The following MYBPC1 variants were observed in gnomAD, a reference collection of about 807,000 sequenced individuals.
The protein encoded by MYBPC1 is myosin binding protein C1.
In MYBPC1, 52 loss-of-function variants were observed where a neutral mutation model predicts 147.1. That is an observed-to-expected ratio of 0.35 (90% confidence interval 0.28 to 0.45). MYBPC1 has a LOEUF of 0.45. Among genes scored for constraint, MYBPC1 ranks in the 20% least tolerant of loss-of-function variants. The pLI is 1.00. For synonymous variants in MYBPC1, 477 were observed against 475.9 expected (o/e 1.00, Z -0.03); for missense variants, 1,228 against 1,440.3 (o/e 0.85, Z 2.39).
the MYBPC1 span, among the ~76,000 whole-genome samples, chr12:101,692,908 T>A: frequency 0.032 from 4,887 of 151,850 alleles, 97 homozygotes; most frequent in Non-Finnish European, 0.044. Context: ...TAGAGCATGA[T>A]GAGTAGTTTA....
Position 101,651,255 on chromosome 12 carries a change from C to T in MYBPC1, c.1388C>T (p.Pro463Leu), listed in dbSNP as rs1489356695. Residue 463 changes from proline (P) to leucine (L), a missense_variant, in exon 16 of 32, where the codon CCT becomes CTT. By Grantham distance (98) the Pro-to-Leu change is moderately conservative. Coordinates refer to ENST00000361466, the MANE Select transcript of MYBPC1 (RefSeq NM_002465.4). The stretch of plus-strand genomic sequence containing the variant: ...GTGAAACCTCTGAAGATTTTGACAC[C>T]TCTGACTGATCAGACTGTAAATCTT... ...VDLKPLKILT[P>L]LTDQTVNLGK... 1 of 1,613,914 alleles carries T rather than the reference C, an allele frequency of 6.2e-7. No homozygotes were observed. Among genetic ancestry groups the T allele is most frequent in the Non-Finnish European group, 8.5e-7 (1 of 1,179,966 alleles).
At chr12:101,595,326 T>C (rs1876772151) in intron 1 of MYBPC1, among the ~76,000 whole-genome samples, 1 of 152,206 alleles carries the variant, frequency 6.6e-6, no homozygotes, top group Admixed American at 6.5e-5. Context: ...ACTAAAATTA[T>C]CAAATGATAA....
chr12:101,690,021 A>C (rs1028588093), downstream of MYBPC1, among the ~76,000 whole-genome samples: 2 of 152,180 alleles, frequency 1.3e-5, no homozygotes, highest in African/African-American at 4.8e-5. Flanking sequence ...CTAAAATTAC[A>C]AAAATTAGCC....
intron 1 of MYBPC1, among the ~76,000 whole-genome samples, chr12:101,613,587 G>A (rs937482041): frequency 7.2e-5 from 11 of 152,166 alleles, no homozygotes; most frequent in Non-Finnish European, 1.5e-4. Context: ...GCATCCACAG[G>A]GATTTGGCAC....
chr12:101,664,705 A>AC (rs1473967714), intron 22 of MYBPC1: 1 of 152,088 alleles, frequency 6.6e-6, no homozygotes, highest in Non-Finnish European at 1.5e-5. Flanking sequence ...GTATCCTGAT[A>AC]CCCCTCAATC....
chr12:101,673,339 G>T, intron 24 of MYBPC1, 88 bp from the exon 25 acceptor site: 1 of 1,400,454 alleles, frequency 7.1e-7, no homozygotes, highest in Non-Finnish European at 1.0e-6. Flanking sequence ...CCTAGAATGG[G>T]TTAAGCCACT....
At chr12:101,678,531 A>G (rs1900601322) in intron 28 of MYBPC1, among the ~76,000 whole-genome samples, 1 of 152,246 alleles carries the variant, frequency 6.6e-6, no homozygotes, top group Non-Finnish European at 1.5e-5. Flanking sequence ...CACTTGGAAA[A>G]TTAGGTGGTA....
chr12:101,629,428 C>G lies in MYBPC1; in HGVS notation c.179-6C>G, dbSNP rs200741891. Reference sequence around the variant, plus strand: ...AATAATCCTTTTCCTCCTTTCTGCTCATCAGACTGGACCCTTGTCGAAACT... The same window carrying G: ...AATAATCCTTTTCCTCCTTTCTGCTGATCAGACTGGACCCTTGTCGAAACT... On this transcript the variant is annotated splice_polypyrimidine_tract_variant and splice_region_variant and intron_variant, in intron 5 of 31. Coordinates refer to ENST00000361466, the MANE Select transcript of MYBPC1 (RefSeq NM_002465.4). The G allele has an allele frequency of 1.9e-6, 3 of 1,584,498 alleles. No homozygotes were observed. The East Asian group carries it at 6.7e-5, about 35-fold the overall frequency.
intron 1 of MYBPC1, among the ~76,000 whole-genome samples, chr12:101,598,316 G>C (rs367717534): frequency 6.6e-6 from 1 of 151,978 alleles, no homozygotes; most frequent in African/African-American, 2.4e-5. Context: ...CACTGTGCCC[G>C]GCCAAGAAAT....
chr12:101,671,500 G>A (rs1527393), intron 24 of MYBPC1, among the ~76,000 whole-genome samples: 3 of 152,020 alleles, frequency 2.0e-5, no homozygotes, highest in Non-Finnish European at 2.9e-5. Flanking sequence ...ACATACCCCC[G>A]GCATGAAATC....
rs757430370 is a variant in MYBPC1, at chr12:101,642,582, G to A, written c.829G>A (p.Ala277Thr). 25 of 1,609,222 alleles carry A rather than the reference G, an allele frequency of 1.6e-5. No homozygotes were observed. Among genetic ancestry groups the A allele is most frequent in the Non-Finnish European group, 2.0e-5 (24 of 1,178,046 alleles). ...KRMRREEKKSAAFAKILDPAY... is the reference protein window; with the variant it reads ...KRMRREEKKSTAFAKILDPAY... ...CATGCGCAGAGAGGAGAAGAAGAGC[G>A]CAGGTGAGCGCTCCCGGGGGCGAGG... The change falls in exon 11 of 32, where the codon GCA becomes ACA. Residue 277 changes from alanine (A) to threonine (T), a missense_variant. Physicochemically the swap from Ala to Thr is moderately conservative, Grantham distance 58. Coordinates refer to ENST00000361466, the MANE Select transcript of MYBPC1 (RefSeq NM_002465.4).
chr12:101,644,695 G>A lies in MYBPC1; in HGVS notation c.864G>A (p.Gln288=). ...AFAKILDPAY[Q]VDKGGRVRFV... Reference sequence around the variant, plus strand: ...CAAAAATTCTTGATCCTGCATATCAGGTTGACAAAGGAGGCAGAGTGAGGT... The same window carrying A: ...CAAAAATTCTTGATCCTGCATATCAAGTTGACAAAGGAGGCAGAGTGAGGT... The change falls in exon 12 of 32, where the codon CAG becomes CAA. Residue 288 remains glutamine, a synonymous_variant. Coordinates refer to ENST00000361466, the MANE Select transcript of MYBPC1 (RefSeq NM_002465.4). 1 of 1,613,922 alleles carries A rather than the reference G, an allele frequency of 6.2e-7. No homozygotes were observed. Among genetic ancestry groups the A allele is most frequent in the Non-Finnish European group, 8.5e-7 (1 of 1,179,876 alleles).
At chr12:101,601,314 A>G (rs1879838333) in intron 1 of MYBPC1, among the ~76,000 whole-genome samples, 1 of 152,224 alleles carries the variant, frequency 6.6e-6, no homozygotes, top group Non-Finnish European at 1.5e-5. Flanking sequence ...CTGTGTGGAT[A>G]GGCTCAGTTT....
chr12:101,649,169 ATTCTTCAGG>A (rs746639470), intron 14 of MYBPC1, 82 bp from the exon 15 acceptor site: 5 of 1,159,072 alleles, frequency 4.3e-6, no homozygotes, highest in Non-Finnish European at 6.3e-6. Context: ...TCCTCCAGAA[ATTCTTCAGG>A]ATATTGCAAT....
chr12:101,636,400 T>G (rs962103038), intron 9 of MYBPC1, among the ~76,000 whole-genome samples: 1 of 152,200 alleles, frequency 6.6e-6, no homozygotes, highest in Non-Finnish European at 1.5e-5. Flanking sequence ...TTACCTGGTT[T>G]TAACACAAAT....
At chr12:101,624,960 T>G (rs901799959) in intron 3 of MYBPC1, among the ~76,000 whole-genome samples, 2 of 152,028 alleles carry the variant, frequency 1.3e-5, no homozygotes. Context: ...GTTTCTTGCT[T>G]CTCATGATGA....
At chr12:101,657,452 T>C (rs933933576) in intron 18 of MYBPC1, among the ~76,000 whole-genome samples, 6 of 152,220 alleles carry the variant, frequency 3.9e-5, no homozygotes, top group Admixed American at 1.3e-4. Flanking sequence ...TATAACCCTC[T>C]AGCCGGGCTA....
intron 10 of MYBPC1, among the ~76,000 whole-genome samples, chr12:101,639,634 G>T (rs1334161397): frequency 1.3e-5 from 2 of 152,012 alleles, no homozygotes; most frequent in Non-Finnish European, 2.9e-5. Flanking sequence ...GAGGATGATT[G>T]GTTTTATAAA....
Position 101,663,662 on chromosome 12 carries a change from A to G in MYBPC1, c.2356+102A>G, listed in dbSNP as rs965746761. On this transcript the variant is annotated intron_variant, in intron 22 of 31. Coordinates refer to ENST00000361466, the MANE Select transcript of MYBPC1 (RefSeq NM_002465.4). ...TTTCTTGAGAACGCATCACCTTCCT[A>G]CGAAAATAAGATCAAGCCAAACGTC... 6.7e-6 allele frequency: 9 copies of G among 1,348,678 alleles called. No individual in the cohort carries two copies. In the African/African-American group the frequency reaches 1.3e-4, roughly 20 times the overall value. 83.5% of individuals were successfully genotyped at this position (1,348,678 alleles called of 1,614,324 possible).
Sources: allele counts gnomAD v4.1 joint callset (sites outside exome capture counted in the v4.1 genomes callset), GRCh38; gene constraint gnomAD v4.1.1; transcripts MANE v1.5; gene names NCBI Gene and HGNC (gene_info 2026-07-23, HGNC 2026-07-21).